The following FILIP1L variants were observed in gnomAD, a reference collection of about 807,000 sequenced individuals.
FILIP1L encodes the protein filamin A-interacting protein 1-like.
A neutral mutation model predicts 96.6 loss-of-function variants in FILIP1L; 55 were observed. The ratio of observed to expected loss-of-function variants is 0.57; its 90% CI spans 0.46 to 0.71. The LOEUF is 0.71. FILIP1L is among the 30% of genes least tolerant of loss of function. The probability of loss-of-function intolerance (pLI) is 0.00; values close to 1 mark genes in which losing one functional copy is unlikely to be tolerated. For missense variants in FILIP1L, 1,304 were observed against 1,321.2 expected (o/e 0.99, Z 0.20); for synonymous variants, 467 against 473.9 (o/e 0.99, Z 0.19).
chr3:100,004,921 AC>A (rs1709946480), intron 1 of FILIP1L, among the ~76,000 whole-genome samples: 1 of 152,154 alleles, frequency 6.6e-6, no homozygotes, highest in Admixed American at 6.5e-5. Flanking sequence ...ATAGCCTCAT[AC>A]CCATTAGATA....
Position 99,955,655 on chromosome 3 carries a change from C to T in FILIP1L, c.-10-24625G>A, listed in dbSNP as rs531929363. ...AGCTCCGTTAGTCTTGCCTATCAAA[C>T]TCTTTGATGATAATGAAATAACTTC... On this transcript the variant is annotated intron_variant, in intron 1 of 5. Coordinates refer to ENST00000477258, the MANE Select transcript of FILIP1L (RefSeq NM_001387850.1). 6.6e-5 allele frequency among the ~76,000 whole-genome samples: 10 copies of T among 152,290 alleles called. No homozygotes were observed. In the East Asian group the frequency reaches 1.2e-3, roughly 18 times the overall value.
intron 1 of FILIP1L, among the ~76,000 whole-genome samples, chr3:99,943,597 G>A (rs999597504): frequency 6.6e-6 from 1 of 151,968 alleles, no homozygotes; most frequent in Non-Finnish European, 1.5e-5. Context: ...CCAGCTACTC[G>A]GGAGGCTGAG....
At chr3:99,903,799 T>C (rs1244557451) in intron 4 of FILIP1L, among the ~76,000 whole-genome samples, 1 of 152,158 alleles carries the variant, frequency 6.6e-6, no homozygotes, top group Non-Finnish European at 1.5e-5. Flanking sequence ...ACTAAGATGC[T>C]TCATATAGAA....
At chr3:100,048,453 G>T (rs545180988) in intron 1 of FILIP1L, among the ~76,000 whole-genome samples, 1 of 152,228 alleles carries the variant, frequency 6.6e-6, no homozygotes, top group East Asian at 1.9e-4. Context: ...TGCAGCTGTG[G>T]CTAACCGAGG....
At chr3:100,094,514 C>T (rs1191156544) in intron 1 of FILIP1L, among the ~76,000 whole-genome samples, 1 of 151,892 alleles carries the variant, frequency 6.6e-6, no homozygotes, top group Non-Finnish European at 1.5e-5. Flanking sequence ...ACAGAGATCC[C>T]AAAGATTTTC....
intron 1 of FILIP1L, among the ~76,000 whole-genome samples, chr3:99,957,463 T>TAG (rs987585397): frequency 3.3e-5 from 5 of 152,036 alleles, no homozygotes; most frequent in South Asian, 2.1e-4. Flanking sequence ...TATATATATA[T>TAG]AGAGAGAGAG....
chr3:100,113,700 A>G (rs541246852), intron 1 of FILIP1L, among the ~76,000 whole-genome samples: 113 of 152,226 alleles, frequency 7.4e-4, no homozygotes, highest in Non-Finnish European at 1.3e-3. Context: ...TACAAAATCA[A>G]GCTATTAAGA....
chr3:100,059,191 A>G (rs1559742960), intron 1 of FILIP1L, among the ~76,000 whole-genome samples: 1 of 152,238 alleles, frequency 6.6e-6, no homozygotes, highest in Non-Finnish European at 1.5e-5. Context: ...GAGCTTTGTT[A>G]GATACTCTAG....
intron 4 of FILIP1L, among the ~76,000 whole-genome samples, chr3:99,918,756 T>TATG (rs1707033785): frequency 6.6e-6 from 1 of 152,214 alleles, no homozygotes; most frequent in Non-Finnish European, 1.5e-5. Context: ...GTCCAGCATG[T>TATG]ATGAACACAA....
Position 99,830,351 on chromosome 3 carries a change from G to C in FILIP1L, c.*63C>G, listed in dbSNP as rs1185876229. 1.7e-5 allele frequency: 6 copies of C among 362,682 alleles called. No individual in the cohort carries two copies. Among genetic ancestry groups the C allele is most frequent in the Non-Finnish European group, 2.8e-5 (5 of 180,752 alleles). The allele number at this position is 362,682 out of a possible 1,614,324, so 22.5% of individuals were successfully genotyped here. On this transcript the variant is annotated 3_prime_UTR_variant, in exon 6 of 6. Coordinates refer to ENST00000477258, the MANE Select transcript of FILIP1L (RefSeq NM_001387850.1). Reference sequence around the variant, plus strand: ...AGATGGTCCTTTGGCCTTTCATAGTGGTAATTTTAGCTTTCCACATATTTC... The same window carrying C: ...AGATGGTCCTTTGGCCTTTCATAGTCGTAATTTTAGCTTTCCACATATTTC...
intron 1 of FILIP1L, among the ~76,000 whole-genome samples, chr3:100,068,349 T>C (rs2065701551): frequency 1.2e-5 from 1 of 82,400 alleles, no homozygotes; most frequent in Non-Finnish European, 2.7e-5. Flanking sequence ...TGAAAGAGCC[T>C]CTGTGTGTGT....
chr3:99,982,924 G>T (rs552311039), intron 1 of FILIP1L, among the ~76,000 whole-genome samples: 156 of 152,164 alleles, frequency 1.0e-3, no homozygotes, highest in African/African-American at 3.5e-3. Context: ...TTTTTAGTCT[G>T]TTACATCAAA....
chr3:100,051,398 C>T (rs2065370067), intron 1 of FILIP1L: 1 of 151,448 alleles, frequency 6.6e-6, no homozygotes, highest in South Asian at 2.1e-4. Context: ...GGTACATGTG[C>T]ACAATGTGCA....
chr3:100,012,902 T>C (rs1035287622), intron 1 of FILIP1L, among the ~76,000 whole-genome samples: 7 of 151,796 alleles, frequency 4.6e-5, no homozygotes, highest in African/African-American at 1.7e-4. Flanking sequence ...GCCTCCTAAG[T>C]AGCTAGGATT....
intron 1 of FILIP1L, among the ~76,000 whole-genome samples, chr3:100,026,111 C>A (rs965024178): frequency 6.6e-6 from 1 of 152,072 alleles, no homozygotes; most frequent in Non-Finnish European, 1.5e-5. Context: ...TACCACGAGG[C>A]TGGACGAGGC....
chr3:99,897,673 G>T (rs1163578810), intron 4 of FILIP1L, among the ~76,000 whole-genome samples: 2 of 152,144 alleles, frequency 1.3e-5, no homozygotes, highest in Non-Finnish European at 2.9e-5. Flanking sequence ...TTGTGTTTTT[G>T]AGATTTGGGA....
At chr3:99,833,249 G>T (rs781670917) in intron 5 of FILIP1L, 2 of 1,612,300 alleles carry the variant, frequency 1.2e-6, no homozygotes, top group East Asian at 4.5e-5. Context: ...TGAGGCAGAA[G>T]AAGTGGTTCC....
intron 1 of FILIP1L, among the ~76,000 whole-genome samples, chr3:99,998,154 C>A (rs1222177994): frequency 6.6e-6 from 1 of 152,218 alleles, no homozygotes; most frequent in South Asian, 2.1e-4. Flanking sequence ...TCAGCAAGAT[C>A]TGTTACCATC....
chr3:99,872,590 A>G (rs1267789484), intron 4 of FILIP1L, among the ~76,000 whole-genome samples: 1 of 151,960 alleles, frequency 6.6e-6, no homozygotes, highest in Non-Finnish European at 1.5e-5. Flanking sequence ...CCACAAACAC[A>G]TCATTCCCCA....
Sources: allele counts gnomAD v4.1 joint callset (sites outside exome capture counted in the v4.1 genomes callset), GRCh38; gene constraint gnomAD v4.1.1; transcripts MANE v1.5; gene names NCBI Gene and HGNC (gene_info 2026-07-23, HGNC 2026-07-21).